The following DLGAP2 variants were observed in gnomAD, a reference collection of about 807,000 sequenced individuals.
DLGAP2 encodes the protein DLG associated protein 2.
In DLGAP2, 26 loss-of-function variants were observed where a neutral mutation model predicts 100.3. The ratio of observed to expected loss-of-function variants is 0.26; its 90% CI spans 0.19 to 0.36. The LOEUF is 0.36. DLGAP2 is among the 10% of genes least tolerant of loss of function. The probability of loss-of-function intolerance (pLI) is 1.00; values close to 1 mark genes in which losing one functional copy is unlikely to be tolerated. For missense variants in DLGAP2, 1,858 were observed against 1,453.2 expected (o/e 1.28, Z -4.53); for synonymous variants, 886 against 630.1 (o/e 1.41, Z -6.08).
chr8:1,058,319 G>A (rs970833810), intron 2 of DLGAP2, among the ~76,000 whole-genome samples: 10 of 152,298 alleles, frequency 6.6e-5, no homozygotes, highest in African/African-American at 2.2e-4. Context: ...GAATAAGCCC[G>A]AATTTCTGTA....
At chr8:1,564,703 A>T (rs116213724) in intron 5 of DLGAP2, among the ~76,000 whole-genome samples, 3,471 of 152,366 alleles carry the variant, frequency 0.023, 129 homozygotes, top group African/African-American at 0.08. Context: ...TACCACACAG[A>T]TATATAACAT....
chr8:1,365,801 G>A (rs1349761642), intron 3 of DLGAP2, among the ~76,000 whole-genome samples: 1 of 152,240 alleles, frequency 6.6e-6, no homozygotes, highest in Non-Finnish European at 1.5e-5. Context: ...GACCAGAGCT[G>A]TGCCATGTCT....
intron 3 of DLGAP2, among the ~76,000 whole-genome samples, chr8:1,451,864 A>G (rs1476935207): frequency 6.6e-6 from 1 of 152,114 alleles, no homozygotes; most frequent in African/African-American, 2.4e-5. Flanking sequence ...TACCCAAACC[A>G]TCCTGTTCCC....
chr8:967,240 C>T (rs1799893977), intron 2 of DLGAP2, among the ~76,000 whole-genome samples: 1 of 152,180 alleles, frequency 6.6e-6, no homozygotes. Context: ...GAGATTCTTT[C>T]CCCATGTTAG....
At chr8:1,003,406 C>T (rs552495722) in intron 2 of DLGAP2, 2 of 152,348 alleles carry the variant, frequency 1.3e-5, no homozygotes, top group African/African-American at 2.4e-5. Context: ...GATCCTGCCA[C>T]ATGTGTCTTT....
chr8:1,054,257 C>T (rs970885124), intron 2 of DLGAP2, among the ~76,000 whole-genome samples: 1 of 151,924 alleles, frequency 6.6e-6, no homozygotes, highest in East Asian at 1.9e-4. Context: ...CACGTACACA[C>T]ACGCACACAC....
chr8:1,644,397 C>G (rs1404141467), intron 8 of DLGAP2, among the ~76,000 whole-genome samples: 1 of 152,228 alleles, frequency 6.6e-6, no homozygotes, highest in Non-Finnish European at 1.5e-5. Flanking sequence ...CGCTCCCACC[C>G]GCTCCCAGCC....
intron 8 of DLGAP2, among the ~76,000 whole-genome samples, chr8:1,663,100 G>GT (rs1222667808): frequency 7.5e-6 from 1 of 133,542 alleles, no homozygotes; most frequent in Non-Finnish European, 1.6e-5. Flanking sequence ...TGTGGGGGAT[G>GT]TGTGCCTGTG....
chr8:851,868 G>A (rs914592592), intron 1 of DLGAP2, among the ~76,000 whole-genome samples: 30 of 151,502 alleles, frequency 2.0e-4, no homozygotes, highest in Non-Finnish European at 4.1e-4. Context: ...GGGGGCCCCC[G>A]CTGCGTTTCC....
chr8:1,293,953 C>A (rs1396726069), intron 3 of DLGAP2, among the ~76,000 whole-genome samples: 2 of 152,160 alleles, frequency 1.3e-5, no homozygotes, highest in Non-Finnish European at 2.9e-5. Flanking sequence ...GCTGCGGATA[C>A]CTTGCACCGT....
intron 3 of DLGAP2, among the ~76,000 whole-genome samples, chr8:1,423,948 A>T (rs1001620116): frequency 1.3e-5 from 2 of 152,256 alleles, no homozygotes; most frequent in African/African-American, 4.8e-5. Flanking sequence ...GCTGAAAAAT[A>T]GATGTACTCT....
chr8:773,408 A>G (rs914651208), intron 1 of DLGAP2, among the ~76,000 whole-genome samples: 2 of 151,760 alleles, frequency 1.3e-5, no homozygotes, highest in Non-Finnish European at 2.9e-5. Context: ...CAGGTTAGTT[A>G]CATATGTATA....
intron 3 of DLGAP2, among the ~76,000 whole-genome samples, chr8:1,329,640 G>T (rs1356070136): frequency 1.3e-5 from 2 of 152,166 alleles, no homozygotes. Flanking sequence ...GAATGAACAT[G>T]GGCCCTAAGT....
chr8:1,328,605 C>T (rs1801077473), intron 3 of DLGAP2, among the ~76,000 whole-genome samples: 1 of 152,154 alleles, frequency 6.6e-6, no homozygotes, highest in Non-Finnish European at 1.5e-5. Flanking sequence ...CCCGCCTTGG[C>T]CTCCTAAAGT....
chr8:769,772 A>G (rs1821309523), intron 1 of DLGAP2, among the ~76,000 whole-genome samples: 1 of 152,112 alleles, frequency 6.6e-6, no homozygotes, highest in Admixed American at 6.5e-5. Flanking sequence ...GATTCTTCCC[A>G]TTAAAAATGA....
At chr8:1,101,788 TCG>T (rs1167863666) in intron 2 of DLGAP2, among the ~76,000 whole-genome samples, 22 of 25,902 alleles carry the variant, frequency 8.5e-4, no homozygotes, top group East Asian at 5.1e-3. Flanking sequence ...GGGAAGGTCC[TCG>T]TCACCCCTGA....
chr8:1,551,334 G>A (rs1801758973), intron 5 of DLGAP2, among the ~76,000 whole-genome samples: 1 of 152,188 alleles, frequency 6.6e-6, no homozygotes, highest in African/African-American at 2.4e-5. Context: ...TAGCTCTCTT[G>A]TTTTTGTCTG....
At chr8:966,604 G>T (rs1194656298) in intron 2 of DLGAP2, among the ~76,000 whole-genome samples, 1 of 152,054 alleles carries the variant, frequency 6.6e-6, no homozygotes, top group Non-Finnish European at 1.5e-5. Context: ...ATTAGTTTAT[G>T]CTATGCACAC....
chr8:1,159,344 C>G (rs760737649), intron 2 of DLGAP2, among the ~76,000 whole-genome samples: 13 of 152,322 alleles, frequency 8.5e-5, no homozygotes, highest in Middle Eastern at 3.4e-3. Context: ...ATAAGGGATA[C>G]TGATTTTGAT....
Sources: allele counts gnomAD v4.1 joint callset (sites outside exome capture counted in the v4.1 genomes callset), GRCh38; gene constraint gnomAD v4.1.1; transcripts MANE v1.5; gene names NCBI Gene and HGNC (gene_info 2026-07-23, HGNC 2026-07-21).